Variants in SPRED2 observed in about 807,000 individuals in gnomAD.
SPRED2 encodes sprouty-related, EVH1 domain-containing protein 2.
In SPRED2, 47 loss-of-function variants were observed where a neutral mutation model predicts 43.0. That is an observed-to-expected ratio of 1.09 (90% CI 0.87 to 1.40). The LOEUF is 1.40. Among genes scored for constraint, SPRED2 ranks in the 40% most tolerant of loss-of-function variants. The pLI, the probability that SPRED2 is intolerant of heterozygous loss-of-function variation, is 0.00. For missense variants in SPRED2, 561 were observed against 586.4 expected (o/e 0.96, Z 0.45); for synonymous variants, 225 against 225.7 (o/e 1.00, Z 0.03).
intron 1 of SPRED2, among the ~76,000 whole-genome samples, chr2:65,393,326 C>CTTTTTTTTTTTTTTTTTTTTTTT (rs55696467): frequency 7.1e-6 from 1 of 141,692 alleles, no homozygotes. Flanking sequence ...AATCATAAGG[C>CTTTTTTTTTTTTTTTTTTTTTTT]TTTTTTTTTT....
Position 65,312,827 on chromosome 2 carries a change from C to T in SPRED2, c.*674G>A. The T allele has an allele frequency of 1.0e-6, 1 of 985,788 alleles. No homozygotes were observed. The highest frequency in any genetic ancestry group is 1.7e-5 in the African/African-American group (1 of 57,314). The allele number at this position is 985,788 out of a possible 1,614,324, so 61.1% of individuals were successfully genotyped here. On this transcript the variant is annotated 3_prime_UTR_variant, in exon 6 of 6. Transcript: ENST00000356388. ...AATGTTTTGCATCAGTGAATCATTT[C>T]AACAGATTTTGGGGGGGCAGAAAAT...
chr2:65,356,669 A>C (rs1674662054), intron 1 of SPRED2, among the ~76,000 whole-genome samples: 1 of 151,488 alleles, frequency 6.6e-6, no homozygotes, highest in African/African-American at 2.4e-5. Flanking sequence ...CTAAACCTAC[A>C]AAATCCTTTA....
At chr2:65,427,937 T>C (rs1255990420) in intron 1 of SPRED2, among the ~76,000 whole-genome samples, 1 of 152,212 alleles carries the variant, frequency 6.6e-6, no homozygotes, top group Non-Finnish European at 1.5e-5. Context: ...TTCACCTCTC[T>C]GTGCCTCACT....
chr2:65,319,308 TAG>T (rs572964926), intron 4 of SPRED2, among the ~76,000 whole-genome samples: 6 of 152,168 alleles, frequency 3.9e-5, no homozygotes, highest in African/African-American at 1.4e-4. Context: ...CGAAGCAATA[TAG>T]AGAGACTTTT....
At chr2:65,378,447 A>C (rs1370784603) in intron 1 of SPRED2, among the ~76,000 whole-genome samples, 1 of 152,206 alleles carries the variant, frequency 6.6e-6, no homozygotes, top group Non-Finnish European at 1.5e-5. Flanking sequence ...CCATACAAGA[A>C]AAAGTGTGTG....
chr2:65,429,220 CAG>C (rs1676623298), intron 1 of SPRED2, among the ~76,000 whole-genome samples: 1 of 152,186 alleles, frequency 6.6e-6, no homozygotes, highest in Admixed American at 6.5e-5. Flanking sequence ...CTAAATGAAA[CAG>C]ATATTATCTG....
At chr2:65,344,507 A>G (rs1333420531) in intron 2 of SPRED2, 1 of 708,400 alleles carries the variant, frequency 1.4e-6, no homozygotes, top group East Asian at 2.8e-5. Context: ...AGCATCTCGG[A>G]TAAAGCGTGT....
intron 1 of SPRED2, among the ~76,000 whole-genome samples, chr2:65,365,979 C>T (rs191663365): frequency 1.3e-4 from 20 of 152,140 alleles, no homozygotes; most frequent in Admixed American, 1.1e-3. Context: ...CTTTCTCCCA[C>T]CTAGAAAAAG....
At chr2:65,377,336 C>T (rs946989001) in intron 1 of SPRED2, among the ~76,000 whole-genome samples, 1 of 152,140 alleles carries the variant, frequency 6.6e-6, no homozygotes, top group African/African-American at 2.4e-5. Context: ...AAAAATAAAA[C>T]CAAATTTAGA....
chr2:65,313,070 G>A lies in SPRED2; in HGVS notation c.*431C>T. On this transcript the variant is annotated 3_prime_UTR_variant, in exon 6 of 6. Transcript: ENST00000356388. ...TAGCGACAGGCAAGGTGAACCAAGA[G>A]AAAGAGAGTCTTCGACGCTCTTGGA... The A allele has an allele frequency of 2.0e-6, 2 of 988,812 alleles. No individual in the cohort carries two copies. Among genetic ancestry groups the A allele is most frequent in the East Asian group, 1.1e-4 (1 of 8,968 alleles). 61.3% of individuals were successfully genotyped at this position (988,812 alleles called of 1,614,324 possible). A position where few individuals can be genotyped will look rare whatever the true frequency, so the allele number is the denominator to read the frequency against.
chr2:65,309,251 T>G (rs1381698139), downstream of SPRED2, among the ~76,000 whole-genome samples: 1 of 151,366 alleles, frequency 6.6e-6, no homozygotes, highest in East Asian at 1.9e-4. Context: ...ACTGTAATCC[T>G]AGCACTTTGG....
At chr2:65,365,391 C>T (rs1674943785) in intron 1 of SPRED2, among the ~76,000 whole-genome samples, 1 of 152,170 alleles carries the variant, frequency 6.6e-6, no homozygotes, top group African/African-American at 2.4e-5. Context: ...ATAGGAATTT[C>T]TGAATGTAGT....
chr2:65,346,993 C>T (rs181704593), intron 1 of SPRED2, among the ~76,000 whole-genome samples: 1 of 152,198 alleles, frequency 6.6e-6, no homozygotes, highest in African/African-American at 2.4e-5. Flanking sequence ...CCTTGTCTTA[C>T]AACCAACTTT....
At chr2:65,328,236 C>A (rs1673703907) in intron 4 of SPRED2, among the ~76,000 whole-genome samples, 1 of 152,196 alleles carries the variant, frequency 6.6e-6, no homozygotes, top group East Asian at 1.9e-4. Flanking sequence ...GAACCTCAGA[C>A]CTCCAGCAAA....
At chr2:65,321,175 T>C (rs1301821216) in intron 4 of SPRED2, among the ~76,000 whole-genome samples, 1 of 152,172 alleles carries the variant, frequency 6.6e-6, no homozygotes, top group Non-Finnish European at 1.5e-5. Flanking sequence ...GACTGCAGCA[T>C]CCTGAGAGAG....
chr2:65,408,779 C>G (rs1324163472), intron 1 of SPRED2, among the ~76,000 whole-genome samples: 2 of 152,260 alleles, frequency 1.3e-5, no homozygotes, highest in African/African-American at 4.8e-5. Context: ...TGGGGTTCCA[C>G]TATACTGGCC....
intron 1 of SPRED2, among the ~76,000 whole-genome samples, chr2:65,385,056 T>C (rs1415652613): frequency 6.8e-6 from 1 of 146,716 alleles, no homozygotes; most frequent in Non-Finnish European, 1.5e-5. Context: ...CACTGCAACC[T>C]CTGCCTCCCA....
In SPRED2 at chr2:65,329,010, A is replaced by G. The variant is rs1265613851; in HGVS notation, c.438+2977T>C. ...AAAGAAACTCAACTTGCAAATACCCAAAAGCCCATCTAGGACAAAACCAAC... is the reference window on the plus strand; with the variant it reads ...AAAGAAACTCAACTTGCAAATACCCGAAAGCCCATCTAGGACAAAACCAAC... On this transcript the variant is annotated intron_variant, in intron 4 of 5. Coordinates refer to ENST00000356388, the MANE Select transcript of SPRED2 (RefSeq NM_181784.3). Among the ~76,000 whole-genome samples, 12 of 152,374 alleles carry G rather than the reference A, an allele frequency of 7.9e-5. No individual in the cohort carries two copies. The East Asian group carries it at 2.3e-3, about 29-fold the overall frequency.
At chr2:65,406,719 G>A (rs1470762919) in intron 1 of SPRED2, among the ~76,000 whole-genome samples, 1 of 152,202 alleles carries the variant, frequency 6.6e-6, no homozygotes, top group Non-Finnish European at 1.5e-5. Flanking sequence ...GCTAAAAATA[G>A]TAACATCGTT....
Sources: gnomAD v4.1 joint callset for allele counts (sites outside exome capture counted in the v4.1 genomes callset) on GRCh38, gnomAD v4.1.1 for gene constraint, MANE v1.5 for transcripts, NCBI Gene and HGNC (gene_info 2026-07-23, HGNC 2026-07-21) for gene names.